Variants in WASF1 observed in about 807,000 individuals in gnomAD.
WASF1 encodes the protein actin-binding protein WASF1.
Under a neutral mutation model 50.5 loss-of-function variants are expected in WASF1, and 7 were observed. That is an observed-to-expected ratio of 0.14 (90% CI 0.08 to 0.26). The LOEUF (loss-of-function observed/expected upper bound fraction) is 0.26, where lower values mean the gene tolerates loss of function less well. Among genes scored for constraint, WASF1 ranks in the 10% least tolerant of loss-of-function variants. The probability of loss-of-function intolerance (pLI) is 1.00; values close to 1 mark genes in which losing one functional copy is unlikely to be tolerated. For missense variants in WASF1, 470 were observed against 694.7 expected (o/e 0.68, Z 3.64); for synonymous variants, 205 against 244.0 (o/e 0.84, Z 1.49).
intron 4 of WASF1, among the ~76,000 whole-genome samples, chr6:110,126,002 C>A (rs1278275521): frequency 6.6e-6 from 1 of 152,006 alleles, no homozygotes; most frequent in Non-Finnish European, 1.5e-5. Flanking sequence ...TGGGTATATA[C>A]CTAAAATAAG....
chr6:110,139,195 G>T (rs1276680350), intron 3 of WASF1, among the ~76,000 whole-genome samples: 1 of 152,224 alleles, frequency 6.6e-6, no homozygotes, highest in East Asian at 1.9e-4. Flanking sequence ...ACAGGTGCCG[G>T]GATCGGGGAG....
chr6:110,120,229 G>C (rs1266749902), intron 4 of WASF1, among the ~76,000 whole-genome samples: 1 of 152,140 alleles, frequency 6.6e-6, no homozygotes. Flanking sequence ...TATTCAATTA[G>C]GAAAAGGGGA....
intron 3 of WASF1, among the ~76,000 whole-genome samples, chr6:110,150,677 A>T (rs1343152542): frequency 2.0e-5 from 3 of 151,914 alleles, no homozygotes; most frequent in East Asian, 1.9e-4. Context: ...AAGATTTTTT[A>T]AAAAAGCAAT....
At chr6:110,135,771 T>C (rs1431904713) in intron 3 of WASF1, among the ~76,000 whole-genome samples, 1 of 147,054 alleles carries the variant, frequency 6.8e-6, no homozygotes, top group African/African-American at 2.5e-5. Context: ...TTAGTTTGGG[T>C]TTGTCATTAC....
At chr6:110,121,757 T>C (rs1171365212) in intron 4 of WASF1, among the ~76,000 whole-genome samples, 1 of 152,184 alleles carries the variant, frequency 6.6e-6, no homozygotes, top group African/African-American at 2.4e-5. Flanking sequence ...TGGCACTATT[T>C]ACAATAGTAA....
chr6:110,124,204 T>TC (rs1774267057), intron 4 of WASF1, among the ~76,000 whole-genome samples: 1 of 123,106 alleles, frequency 8.1e-6, no homozygotes, highest in Non-Finnish European at 1.6e-5. Flanking sequence ...TCTCTCTCTC[T>TC]CTCTCTCTCT....
intron 10 of WASF1, 127 bp downstream of exon 10, chr6:110,101,460 TA>T: frequency 1.6e-6 from 2 of 1,238,392 alleles, no homozygotes; most frequent in Non-Finnish European, 2.2e-6. Flanking sequence ...CTTTACTTTC[TA>T]AAGGCCATTT....
chr6:110,135,606 G>T (rs79076520), intron 3 of WASF1, among the ~76,000 whole-genome samples: 6,091 of 151,730 alleles, frequency 0.04, 146 homozygotes, highest in East Asian at 0.13. Flanking sequence ...AGCTACCCAT[G>T]ATCTTATTCT....
At chr6:110,145,640 A>C (rs1775520907) in intron 3 of WASF1, among the ~76,000 whole-genome samples, 1 of 152,040 alleles carries the variant, frequency 6.6e-6, no homozygotes, top group Admixed American at 6.6e-5. Flanking sequence ...TCCCATCAAT[A>C]CCTAATTTAT....
In WASF1 at chr6:110,102,057, T is replaced by G; in HGVS notation, c.1053A>C (p.Pro351=). 9 of 1,478,052 alleles carry G rather than the reference T, an allele frequency of 6.1e-6. No homozygotes were observed. Among genetic ancestry groups the G allele is most frequent in the East Asian group, 2.4e-5 (1 of 42,216 alleles). The allele number at this position is 1,478,052 out of a possible 1,614,324, so 91.6% of individuals were successfully genotyped here. A position where few individuals can be genotyped will look rare whatever the true frequency, so the allele number is the denominator to read the frequency against. The change falls in exon 10 of 11, where the codon CCA becomes CCC. Residue 351 remains proline, a synonymous_variant. Coordinates refer to ENST00000392589, the MANE Select transcript of WASF1 (RefSeq NM_003931.3). ...RASMTSTPPP[P]VPPPPPPPAT... is the part of the protein sequence containing the mutation. ...CTGGAGGTGGAGGTGGGGGAGGTACTGGAGGGGGAGGAGTTGAAGTCATTG... is the reference window on the plus strand; with the variant it reads ...CTGGAGGTGGAGGTGGGGGAGGTACGGGAGGGGGAGGAGTTGAAGTCATTG...
At chr6:110,124,227 CTCTCTCT>C (rs1774281804) in intron 4 of WASF1, among the ~76,000 whole-genome samples, 1 of 63,666 alleles carries the variant, frequency 1.6e-5, no homozygotes, top group South Asian at 7.1e-4. Context: ...CCTCTCTCTC[CTCTCTCT>C]CCTCTCTCTC....
At chr6:110,166,878 T>C (rs1273564753) in intron 2 of WASF1, among the ~76,000 whole-genome samples, 1 of 151,918 alleles carries the variant, frequency 6.6e-6, no homozygotes, top group Non-Finnish European at 1.5e-5. Flanking sequence ...AACTCAAAAA[T>C]GTTTATTTTT....
intron 4 of WASF1, among the ~76,000 whole-genome samples, chr6:110,124,245 T>C (rs1177463132): frequency 5.1e-5 from 2 of 39,462 alleles, no homozygotes; most frequent in African/African-American, 2.5e-4. Flanking sequence ...CCTCTCTCTC[T>C]CTCTCTCTCT....
intron 2 of WASF1, among the ~76,000 whole-genome samples, chr6:110,178,191 CAT>C (rs1286201511): frequency 1.3e-5 from 2 of 152,092 alleles, no homozygotes; most frequent in African/African-American, 4.8e-5. Flanking sequence ...TTAGTAATGA[CAT>C]ATTCTGCTAC....
intron 3 of WASF1, among the ~76,000 whole-genome samples, chr6:110,147,074 G>A (rs1014817850): frequency 7.2e-5 from 11 of 152,078 alleles, no homozygotes; most frequent in South Asian, 2.1e-4. Context: ...GAGGCCAGGC[G>A]CGGTGGCTCA....
rs1327924018 is a variant in WASF1, at chr6:110,179,670, T to G, written c.-503A>C. 1 of 152,472 alleles carries G rather than the reference T, an allele frequency of 6.6e-6. No homozygotes were observed. The highest frequency in any genetic ancestry group is 1.5e-5 in the Non-Finnish European group (1 of 68,064). The allele number at this position is 152,472 out of a possible 1,614,324, so 9.4% of individuals were successfully genotyped here. ...CGCGCGAGTGAACAACACCGCGAGC[T>G]GCCGTTCCCCCCGCCCCCTCCCCGC... On this transcript the variant is annotated 5_prime_UTR_variant, in exon 1 of 11. Coordinates refer to ENST00000392589, the MANE Select transcript of WASF1 (RefSeq NM_003931.3).
chr6:110,126,467 G>A (rs1774422150), intron 4 of WASF1, among the ~76,000 whole-genome samples: 1 of 152,124 alleles, frequency 6.6e-6, no homozygotes, highest in African/African-American at 2.4e-5. Context: ...TCTCGCTACA[G>A]GTATGCCTAA....
At chr6:110,124,184 C>A (rs920594388) in intron 4 of WASF1, among the ~76,000 whole-genome samples, 12 of 139,676 alleles carry the variant, frequency 8.6e-5, no homozygotes, top group African/African-American at 3.3e-4. Context: ...AACCCAGCCC[C>A]ATCAGCGTCT....
intron 3 of WASF1, among the ~76,000 whole-genome samples, chr6:110,151,469 G>A (rs1240747039): frequency 6.6e-6 from 1 of 152,076 alleles, no homozygotes; most frequent in Non-Finnish European, 1.5e-5. Flanking sequence ...CATCCTACAT[G>A]TTATAAAAAC....
Sources: allele counts gnomAD v4.1 joint callset (sites outside exome capture counted in the v4.1 genomes callset), GRCh38; gene constraint gnomAD v4.1.1; transcripts MANE v1.5; gene names NCBI Gene and HGNC (gene_info 2026-07-23, HGNC 2026-07-21).